The following CTTNBP2NL variants were observed in gnomAD, a reference collection of about 807,000 sequenced individuals.
CTTNBP2NL encodes the protein CTTNBP2 N-terminal-like protein.
In CTTNBP2NL, 16 loss-of-function variants were observed where a neutral mutation model predicts 32.5. That is an observed-to-expected ratio of 0.49 (90% CI 0.33 to 0.75). The LOEUF is 0.75. CTTNBP2NL is among the 30% of genes least tolerant of loss of function. The pLI is 0.02. For synonymous variants in CTTNBP2NL, 298 were observed against 289.4 expected (o/e 1.03, Z -0.30); for missense variants, 645 against 756.0 (o/e 0.85, Z 1.72).
intron 1 of CTTNBP2NL, among the ~76,000 whole-genome samples, chr1:112,407,862 T>TTTTTTTTTTA (rs1648720049): frequency 7.6e-6 from 1 of 131,230 alleles, no homozygotes; most frequent in African/African-American, 3.9e-5. Flanking sequence ...TTTTTTTTTT[T>TTTTTTTTTTA]GAGGCAGGGT....
chr1:112,412,719 C>T (rs184876839), intron 2 of CTTNBP2NL, among the ~76,000 whole-genome samples: 2 of 146,464 alleles, frequency 1.4e-5, no homozygotes, highest in South Asian at 2.2e-4. Context: ...CAGGTTCAAG[C>T]GATTCTCCTG....
chr1:112,403,610 T>C (rs549213468), intron 1 of CTTNBP2NL, among the ~76,000 whole-genome samples: 2 of 152,346 alleles, frequency 1.3e-5, no homozygotes, highest in Non-Finnish European at 2.9e-5. Context: ...AGCTGTGATA[T>C]TTTCAGGAAA....
At chr1:112,396,741 G>T (rs17030194) in intron 1 of CTTNBP2NL, among the ~76,000 whole-genome samples, 2,331 of 152,270 alleles carry the variant, frequency 0.015, 60 homozygotes, top group African/African-American at 0.053. Flanking sequence ...GGGATGGGGC[G>T]AAGCAAAAAT....
chr1:112,426,001 GTGTCTGTC>G (rs36168869), intron 3 of CTTNBP2NL, among the ~76,000 whole-genome samples: 10 of 72,574 alleles, frequency 1.4e-4, no homozygotes, highest in African/African-American at 3.1e-4. Flanking sequence ...GTGTGTGTGT[GTGTCTGTC>G]TGTCTTACTA....
Position 112,456,918 on chromosome 1 carries a change from G to T in CTTNBP2NL, c.1426G>T (p.Ala476Ser). 6.2e-7 allele frequency: 1 copy of T among 1,614,088 alleles called. No homozygotes were observed. Among genetic ancestry groups the T allele is most frequent in the Non-Finnish European group, 8.5e-7 (1 of 1,180,036 alleles). Residue 476 changes from alanine to serine, a missense_variant, in exon 6 of 6, where the codon GCC (alanine) becomes TCC (serine). Transcript: ENST00000271277. ...FQSQADQDQQASGLQSPPSRD... is the reference protein window; with the variant it reads ...FQSQADQDQQSSGLQSPPSRD... The stretch of plus-strand genomic sequence containing the variant: ...GTCCCAAGCAGATCAGGACCAACAA[G>T]CCAGTGGCCTACAGAGCCCTCCATC...
chr1:112,450,659 T>C (rs1650189649), intron 4 of CTTNBP2NL, among the ~76,000 whole-genome samples: 1 of 152,212 alleles, frequency 6.6e-6, no homozygotes, highest in African/African-American at 2.4e-5. Flanking sequence ...TTCTAGGTGA[T>C]TGGAGAGAGG....
upstream of CTTNBP2NL, among the ~76,000 whole-genome samples, chr1:112,392,261 C>G (rs1220776872): frequency 2.0e-5 from 3 of 152,108 alleles, no homozygotes; most frequent in Non-Finnish European, 4.4e-5. Flanking sequence ...ATTTCCTCAC[C>G]TGCAAAAGGG....
intron 3 of CTTNBP2NL, among the ~76,000 whole-genome samples, chr1:112,430,168 TTTCTTTTCTTTTC>T (rs1483793608): frequency 7.9e-5 from 2 of 25,418 alleles, no homozygotes; most frequent in Non-Finnish European, 1.9e-4. Flanking sequence ...AGCTCTTTTC[TTTCTTTTCTTTTC>T]TTTTCTTTTC....
chr1:112,416,895 A>T (rs1418591584), intron 3 of CTTNBP2NL, among the ~76,000 whole-genome samples: 1 of 152,192 alleles, frequency 6.6e-6, no homozygotes, highest in African/African-American at 2.4e-5. Context: ...ACATCCATAT[A>T]TCAAAATTTG....
Position 112,407,774 on chromosome 1 carries a change from T to A in CTTNBP2NL, c.-133-4420T>A, listed in dbSNP as rs116260272. 6.9e-3 allele frequency among the ~76,000 whole-genome samples: 1,053 copies of A among 152,014 alleles called. 10 individuals are homozygous for A. The highest frequency in any genetic ancestry group is 0.024 in the African/African-American group (1,010 of 41,472). On this transcript the variant is annotated intron_variant, in intron 1 of 5. Transcript: ENST00000271277. ...AATATTGGAATTGAATAAAATGAGA[T>A]CAGTTATTATACCTTGATTTTAGAA...
upstream of CTTNBP2NL, among the ~76,000 whole-genome samples, chr1:112,395,020 T>G (rs112267852): frequency 6.6e-6 from 1 of 152,216 alleles, no homozygotes; most frequent in Non-Finnish European, 1.5e-5. Context: ...TTTCAGACTA[T>G]AATCGCACAA....
chr1:112,458,867 T>C lies in CTTNBP2NL; in HGVS notation c.*1455T>C, dbSNP rs1278866310. On this transcript the variant is annotated 3_prime_UTR_variant, in exon 6 of 6. Coordinates refer to ENST00000271277, the MANE Select transcript of CTTNBP2NL (RefSeq NM_018704.3). ...CAGTGTCACAAAACTCAACTGGTCA[T>C]ATAAATGAGTGAAACAGGCCTCTCA... 6.6e-6 allele frequency: 1 copy of C among 152,242 alleles called. No homozygotes were observed. The highest frequency in any genetic ancestry group is 2.4e-5 in the African/African-American group (1 of 41,534). 9.4% of individuals were successfully genotyped at this position (152,242 alleles called of 1,614,324 possible).
chr1:112,456,621 A>G lies in CTTNBP2NL; in HGVS notation c.1129A>G (p.Lys377Glu). Reference protein sequence around the residue: ...NVENQVPPREKSVALAQEKPV... With the variant: ...NVENQVPPREESVALAQEKPV... ...AGAAAACCAGGTGCCTCCACGGGAAAAATCTGTGGCATTGGCCCAAGAGAA... is the reference window on the plus strand; with the variant it reads ...AGAAAACCAGGTGCCTCCACGGGAAGAATCTGTGGCATTGGCCCAAGAGAA... Residue 377 changes from lysine (K) to glutamate (E), a missense_variant, in exon 6 of 6, where the codon AAA (lysine) becomes GAA (glutamate). Lys to Glu is a moderately conservative substitution (Grantham distance 56, BLOSUM62 1). Coordinates refer to ENST00000271277, the MANE Select transcript of CTTNBP2NL (RefSeq NM_018704.3). 1 of 1,614,148 alleles carries G rather than the reference A, an allele frequency of 6.2e-7. No homozygotes were observed. The highest frequency in any genetic ancestry group is 2.2e-5 in the East Asian group (1 of 44,872).
At chr1:112,420,950 A>G (rs889108822) in intron 3 of CTTNBP2NL, among the ~76,000 whole-genome samples, 1 of 152,344 alleles carries the variant, frequency 6.6e-6, no homozygotes, top group Non-Finnish European at 1.5e-5. Context: ...ACTCAATTGT[A>G]GTGTGATCTT....
chr1:112,403,207 C>G (rs1370215366), intron 1 of CTTNBP2NL, among the ~76,000 whole-genome samples: 1 of 152,202 alleles, frequency 6.6e-6, no homozygotes, highest in Non-Finnish European at 1.5e-5. Context: ...CCCGACTACT[C>G]TTTCTGTTTC....
At chr1:112,412,792 T>C (rs975118599) in intron 2 of CTTNBP2NL, among the ~76,000 whole-genome samples, 4 of 151,976 alleles carry the variant, frequency 2.6e-5, no homozygotes, top group African/African-American at 9.7e-5. Context: ...AATTTTTTTG[T>C]ATTTTAAGTA....
At chr1:112,423,276 A>G (rs901771905) in intron 3 of CTTNBP2NL, among the ~76,000 whole-genome samples, 8 of 151,454 alleles carry the variant, frequency 5.3e-5, no homozygotes, top group Middle Eastern at 3.2e-3. Flanking sequence ...TCTTAACTCT[A>G]TTTTTTTTAC....
chr1:112,438,824 T>A (rs1313504733), intron 3 of CTTNBP2NL, among the ~76,000 whole-genome samples: 2 of 152,246 alleles, frequency 1.3e-5, no homozygotes, highest in African/African-American at 4.8e-5. Flanking sequence ...ACTGCAGTGA[T>A]GACCATTGCC....
chr1:112,449,245 C>A, intron 4 of CTTNBP2NL, 73 bp downstream of exon 4: 1 of 842,626 alleles, frequency 1.2e-6, no homozygotes. Context: ...TTCTTGTCAG[C>A]TGCCAGTTTT....
Sources: gnomAD v4.1 joint callset for allele counts (sites outside exome capture counted in the v4.1 genomes callset) on GRCh38, gnomAD v4.1.1 for gene constraint, MANE v1.5 for transcripts, NCBI Gene and HGNC (gene_info 2026-07-23, HGNC 2026-07-21) for gene names.